NBEA: variants seen among roughly 807,000 people sequenced by gnomAD.
The protein encoded by NBEA is neurobeachin.
In NBEA, 44 loss-of-function variants were observed where a neutral mutation model predicts 343.4. The ratio of observed to expected loss-of-function variants is 0.13; its 90% CI spans 0.10 to 0.16. The LOEUF is 0.16. Among genes scored for constraint, NBEA ranks in the 10% least tolerant of loss-of-function variants. NBEA has a pLI of 1.00. For synonymous variants in NBEA, 1,175 were observed against 1,238.7 expected (o/e 0.95, Z 1.08); for missense variants, 2,555 against 3,631.3 (o/e 0.70, Z 7.62).
chr13:35,342,322 A>T (rs935758936), intron 36 of NBEA, among the ~76,000 whole-genome samples: 2 of 152,118 alleles, frequency 1.3e-5, no homozygotes, highest in African/African-American at 4.8e-5. Flanking sequence ...ACTACAGTGT[A>T]CATTTTTAAA....
At chr13:35,396,501 A>G (rs569998034) in intron 38 of NBEA, among the ~76,000 whole-genome samples, 3 of 152,082 alleles carry the variant, frequency 2.0e-5, no homozygotes, top group South Asian at 2.1e-4. Context: ...TTCAGTTTAC[A>G]TAGAGTTAAT....
intron 48 of NBEA, among the ~76,000 whole-genome samples, 176 bp from the exon 49 acceptor site, chr13:35,627,904 CT>C (rs1369344710): frequency 1.3e-5 from 2 of 151,646 alleles, no homozygotes; most frequent in African/African-American, 4.9e-5. Context: ...TAAAATACTA[CT>C]GAGGTAGTAT....
chr13:35,290,541 A>G, intron 35 of NBEA, 91 bp downstream of exon 35: 2 of 832,838 alleles, frequency 2.4e-6, no homozygotes, highest in Non-Finnish European at 3.8e-6. Flanking sequence ...GTGTATGTTT[A>G]TATATTTTTA....
rs372412796 is a variant in NBEA at position 35,150,731 on chromosome 13, G to A, written c.2446-5043G>A. Among the ~76,000 whole-genome samples, 11 of 151,772 alleles carry A rather than the reference G, an allele frequency of 7.2e-5. No individual in the cohort carries two copies. In the East Asian group the frequency reaches 1.4e-3, roughly 19 times the overall value. The stretch of plus-strand genomic sequence containing the variant: ...AGAATAAATATTACTACAACTCTAC[G>A]AATGTGTAAGATTAAGTGCAGAAAT... On this transcript the variant is annotated intron_variant, in intron 18 of 58. Coordinates refer to ENST00000379939, the MANE Select transcript of NBEA (RefSeq NM_001385012.1).
chr13:35,190,769 G>A (rs1055661873), intron 30 of NBEA, among the ~76,000 whole-genome samples: 4 of 152,014 alleles, frequency 2.6e-5, no homozygotes, highest in Admixed American at 6.6e-5. Context: ...ATACACAGGG[G>A]GAACAAAGCA....
intron 41 of NBEA, among the ~76,000 whole-genome samples, chr13:35,484,722 A>C: frequency 6.6e-6 from 1 of 152,120 alleles, no homozygotes; most frequent in East Asian, 1.9e-4. Flanking sequence ...TTCCCCTCCA[A>C]TATGGAATGC....
At chr13:35,250,373 TAAA>T (rs2031809021) in intron 34 of NBEA, among the ~76,000 whole-genome samples, 1 of 152,020 alleles carries the variant, frequency 6.6e-6, no homozygotes, top group South Asian at 2.1e-4. Context: ...GGCAAAAGAA[TAAA>T]AATCTGTTAA....
chr13:35,318,806 C>A (rs186091582), intron 36 of NBEA, among the ~76,000 whole-genome samples: 2 of 152,038 alleles, frequency 1.3e-5, no homozygotes, highest in African/African-American at 4.8e-5. Flanking sequence ...TTCAGGGATT[C>A]GACTTCTTCC....
rs36117821 is a variant in NBEA, at chr13:35,139,744, GTTTTTTT to G, written c.2337-2503_2337-2497del. Among the ~76,000 whole-genome samples, 548 of 61,088 alleles carry G rather than the reference GTTTTTTT, an allele frequency of 9.0e-3. 5 individuals carry two copies. The highest frequency in any genetic ancestry group is 0.04 in the African/African-American group (524 of 13,004). 40.1% of individuals were successfully genotyped at this position (61,088 alleles called of 152,430 possible). ...TTTCCTGCCTAAGATGATGGATGGC[GTTTTTTT>G]TTTTTTTTTTTTTTTTTTTTTATCT... On this transcript the variant is annotated intron_variant, in intron 17 of 58. Transcript: ENST00000379939.
At chr13:35,318,256 T>C (rs2037885431) in intron 36 of NBEA, among the ~76,000 whole-genome samples, 1 of 152,180 alleles carries the variant, frequency 6.6e-6, no homozygotes. Context: ...ATAGCTCTTA[T>C]TATTTTGAGA....
intron 11 of NBEA, 95 bp from the exon 12 acceptor site, chr13:35,109,195 C>G: frequency 2.9e-6 from 3 of 1,040,452 alleles, no homozygotes; most frequent in Non-Finnish European, 2.7e-6. Flanking sequence ...TTAGGGATAG[C>G]ATATGAAAAA....
chr13:35,238,372 G>A lies in NBEA; in HGVS notation c.5776+5753G>A, dbSNP rs563353295. Among the ~76,000 whole-genome samples, 3 of 152,242 alleles carry A rather than the reference G, an allele frequency of 2.0e-5. No homozygotes were observed. In the South Asian group the frequency reaches 6.2e-4, roughly 32 times the overall value. ...TAACAAAGACTACTCCCTTTGATTC[G>A]CAAAGCAACTTTATAGCCTCCTGTC... On this transcript the variant is annotated intron_variant, in intron 34 of 58. Transcript: ENST00000379939.
At chr13:35,559,605 C>T (rs1252696069) in intron 44 of NBEA, among the ~76,000 whole-genome samples, 1 of 152,062 alleles carries the variant, frequency 6.6e-6, no homozygotes, top group Non-Finnish European at 1.5e-5. Context: ...TTATGTCTTT[C>T]TTTCATTTTT....
At chr13:35,380,191 T>C (rs1315949811) in intron 38 of NBEA, among the ~76,000 whole-genome samples, 3 of 149,538 alleles carry the variant, frequency 2.0e-5, no homozygotes, top group African/African-American at 7.3e-5. Flanking sequence ...ACACCTGTAA[T>C]CCCAGCACTT....
intron 41 of NBEA, among the ~76,000 whole-genome samples, chr13:35,519,467 G>A (rs548547851): frequency 1.3e-5 from 2 of 152,162 alleles, no homozygotes; most frequent in South Asian, 2.1e-4. Flanking sequence ...TCATATACTA[G>A]TGCTTTTGAT....
At chr13:35,369,596 G>C (rs552107997) in intron 38 of NBEA, among the ~76,000 whole-genome samples, 2 of 151,832 alleles carry the variant, frequency 1.3e-5, no homozygotes, top group African/African-American at 4.8e-5. Context: ...TATAGAGGTT[G>C]TTCACCTCTT....
Position 35,195,922 on chromosome 13 carries a change from A to G in NBEA, c.4986A>G (p.Glu1662=). Residue 1662 remains glutamate, a synonymous_variant, in exon 31 of 59, where the codon GAA becomes GAG. Coordinates refer to ENST00000379939, the MANE Select transcript of NBEA (RefSeq NM_001385012.1). ...IKEKETPTPG[E]DIQVESSIPH... is the part of the protein sequence containing the mutation. ...AAAAAGAAACACCAACTCCTGGTGA[A>G]GATATTCAGGTAGAAAGTTCAATTC... 6.2e-7 allele frequency: 1 copy of G among 1,613,208 alleles called. No individual in the cohort carries two copies.
In NBEA at chr13:35,208,743, G is replaced by A. The variant is rs1341695624; in HGVS notation, c.5410G>A (p.Ala1804Thr). ...AAAGAAACCACCTCCAGGTAGTTTAGCTGTAACCACTGTGGGAGCCACTAC... is the reference window on the plus strand; with the variant it reads ...AAAGAAACCACCTCCAGGTAGTTTAACTGTAACCACTGTGGGAGCCACTAC... ...PVKKPPPGSL[A>T]VTTVGATTAG... is the part of the protein sequence containing the mutation. Residue 1804 changes from alanine (A) to threonine (T), a missense_variant, in exon 32 of 59, where the codon GCT becomes ACT. By Grantham distance (58) the Ala-to-Thr change is moderately conservative. Around this residue, in one of 21 missense-constraint regions of NBEA, gnomAD observed 270 missense variants for 293.3 expected, o/e 0.92. Transcript: ENST00000379939. 2 of 1,611,046 alleles carry A rather than the reference G, an allele frequency of 1.2e-6. No individual in the cohort carries two copies. Among genetic ancestry groups the A allele is most frequent in the East Asian group, 2.2e-5 (1 of 44,692 alleles).
At chr13:35,633,800 T>A (rs984614388) in intron 49 of NBEA, among the ~76,000 whole-genome samples, 2 of 152,184 alleles carry the variant, frequency 1.3e-5, no homozygotes, top group African/African-American at 4.8e-5. Flanking sequence ...TTTAATAATT[T>A]CATTATATAT....
Sources: allele counts gnomAD v4.1 joint callset (sites outside exome capture counted in the v4.1 genomes callset), GRCh38; gene constraint gnomAD v4.1.1; regional missense constraint gnomAD v4.1.1; transcripts MANE v1.5; gene names NCBI Gene and HGNC (gene_info 2026-07-23, HGNC 2026-07-21).